SLC6A4: variants seen among roughly 807,000 people sequenced by gnomAD.
SLC6A4 encodes solute carrier family 6 member 4, also known as sodium-dependent serotonin transporter.
SLC6A4 carries 22 observed loss-of-function variants against 73.4 expected under a neutral mutation model. The observed-to-expected ratio is 0.30, with a 90% CI of 0.21 to 0.43. The LOEUF (loss-of-function observed/expected upper bound fraction) is 0.43, where lower values mean the gene tolerates loss of function less well. Ranked by LOEUF, SLC6A4 falls within the 20% of genes least tolerant of loss-of-function variation. The probability of loss-of-function intolerance (pLI) is 1.00; values close to 1 mark genes in which losing one functional copy is unlikely to be tolerated. For missense variants in SLC6A4, 593 were observed against 808.5 expected (o/e 0.73, Z 3.23); for synonymous variants, 270 against 315.5 (o/e 0.86, Z 1.53).
At chr17:30,209,037 A>C (rs897730888) in intron 12 of SLC6A4, 106 bp downstream of exon 12, 9 of 742,610 alleles carry the variant, frequency 1.2e-5, no homozygotes, top group Non-Finnish European at 2.1e-5. Flanking sequence ...GGGAGGTCAC[A>C]TCTTGTAAAC....
intron 14 of SLC6A4, 132 bp from the exon 15 acceptor site, chr17:30,198,662 C>G (rs964098176): frequency 1.8e-6 from 1 of 549,426 alleles, no homozygotes; most frequent in African/African-American, 1.9e-5. Flanking sequence ...GGAATAGTCT[C>G]ACTGACATTC....
At chr17:30,228,585 A>AT (rs1177541418) in intron 1 of SLC6A4, among the ~76,000 whole-genome samples, 1 of 152,134 alleles carries the variant, frequency 6.6e-6, no homozygotes, top group East Asian at 1.9e-4. Flanking sequence ...AATTCAAGAG[A>AT]TCCACGTGGG....
At chr17:30,208,387 T>C (rs555927316) in intron 12 of SLC6A4, among the ~76,000 whole-genome samples, 1 of 152,248 alleles carries the variant, frequency 6.6e-6, no homozygotes, top group East Asian at 1.9e-4. Context: ...AAGGTTCTTC[T>C]ATAAAAAGTA....
intron 11 of SLC6A4, 91 bp from the exon 12 acceptor site, chr17:30,209,333 C>A: frequency 1.2e-6 from 1 of 813,048 alleles, no homozygotes; most frequent in South Asian, 1.5e-5. Flanking sequence ...CACTTAGAAT[C>A]ATTCTGGAAA....
chr17:30,226,872 C>CAAAAAAAAAAAAAAAAAAAAAGA (rs9303630), intron 1 of SLC6A4, among the ~76,000 whole-genome samples: 28 of 112,302 alleles, frequency 2.5e-4, no homozygotes, highest in Non-Finnish European at 4.6e-4. Flanking sequence ...GACTCTGTCT[C>CAAAAAAAAAAAAAAAAAAAAAGA]AAAAAAAAAA....
Position 30,235,555 on chromosome 17 carries a change from G to A in SLC6A4, c.-221+58C>T, listed in dbSNP as rs1461138906. 1 of 152,244 alleles carries A rather than the reference G, an allele frequency of 6.6e-6. No homozygotes were observed. The highest frequency in any genetic ancestry group is 2.4e-5 in the African/African-American group (1 of 41,448). 9.4% of individuals were successfully genotyped at this position (152,244 alleles called of 1,614,324 possible). On this transcript the variant is annotated intron_variant, in intron 1 of 14. Coordinates refer to ENST00000650711, the MANE Select transcript of SLC6A4 (RefSeq NM_001045.6). The surrounding 1 kb of genome is among the most constrained non-coding windows in gnomAD (Gnocchi z 4.5). ...GCGGTTCTATCCCCCTCCCCGAGGC[G>A]GGGAAGAAGGTCTGGAAAGAAACGT... is the stretch of plus-strand genomic sequence containing the variant.
At position 30,196,940 on chromosome 17, in the gene SLC6A4, G is replaced by A. The variant is rs1905882274; in HGVS notation, c.*1516C>T. ...AGGGAGGAAAACCTAGAATTGGACAGGATGTTTCCTCTGCTGTCTGGACCT... is the reference window on the plus strand; with the variant it reads ...AGGGAGGAAAACCTAGAATTGGACAAGATGTTTCCTCTGCTGTCTGGACCT... On this transcript the variant is annotated 3_prime_UTR_variant, in exon 15 of 15. Coordinates refer to ENST00000650711, the MANE Select transcript of SLC6A4 (RefSeq NM_001045.6). 1 of 152,302 alleles carries A rather than the reference G, an allele frequency of 6.6e-6. No individual in the cohort carries two copies. Among genetic ancestry groups the A allele is most frequent in the African/African-American group, 2.4e-5 (1 of 41,412 alleles). 9.4% of individuals were successfully genotyped at this position (152,302 alleles called of 1,614,324 possible). A position where few individuals can be genotyped will look rare whatever the true frequency, so the allele number is the denominator to read the frequency against.
chr17:30,213,054 C>T (rs1354194858), intron 8 of SLC6A4, among the ~76,000 whole-genome samples, 187 bp from the exon 9 acceptor site: 1 of 152,178 alleles, frequency 6.6e-6, no homozygotes, highest in African/African-American at 2.4e-5. Flanking sequence ...CTGCCGAGGC[C>T]TGAAGCTCTG....
Position 30,218,150 on chromosome 17 carries a change from G to A in SLC6A4, c.666C>T (p.Leu222=). The change falls in exon 5 of 15, where the codon CTC becomes CTT. Residue 222 remains leucine (L), a synonymous_variant. Transcript: ENST00000650711. ...ATTCTTCAGCAGGGGACGTGGAATG[G>A]AGGGTCCAGGTGATGTTGTCCTCGG... The part of the protein sequence containing the change: ...YFSEDNITWT[L]HSTSPAEEFY... The A allele has an allele frequency of 1.2e-6, 2 of 1,614,250 alleles. No homozygotes were observed. Among genetic ancestry groups the A allele is most frequent in the Non-Finnish European group, 1.7e-6 (2 of 1,180,032 alleles).
intron 2 of SLC6A4, 52 bp downstream of exon 2, chr17:30,222,766 TC>T (rs1906808742): frequency 7.7e-7 from 1 of 1,297,914 alleles, no homozygotes; most frequent in African/African-American, 1.5e-5. Flanking sequence ...CTTTCTGCGT[TC>T]CCATTATGCA....
intron 1 of SLC6A4, among the ~76,000 whole-genome samples, chr17:30,231,919 A>C (rs930667708): frequency 4.6e-5 from 7 of 152,150 alleles, no homozygotes; most frequent in African/African-American, 1.7e-4. Context: ...AAGAGAGCGA[A>C]AGTAGAAGAG....
intron 8 of SLC6A4, among the ~76,000 whole-genome samples, chr17:30,214,437 A>AAAAAAAG (rs1555588548): frequency 1.3e-5 from 2 of 148,966 alleles, no homozygotes; most frequent in Non-Finnish European, 3.0e-5. Context: ...AAAAAAAAAA[A>AAAAAAAG]AAAAGAAAAG....
In SLC6A4 at chr17:30,230,107, GGAA is replaced by G. The variant is rs1449345007; in HGVS notation, c.-221+5503_-221+5505del. ...AAGAAGAAGAAGAAGAGGAGGAAGA[GGAA>G]GAGGAAGAGGAAGAGGAGGAGGAGG... On this transcript the variant is annotated intron_variant, in intron 1 of 14. Transcript: ENST00000650711. 6.0e-3 allele frequency among the ~76,000 whole-genome samples: 633 copies of G among 106,162 alleles called. 12 individuals carry two copies. The highest frequency in any genetic ancestry group is 0.022 in the African/African-American group (586 of 26,198). 69.6% of individuals were successfully genotyped at this position (106,162 alleles called of 152,430 possible). A position where few individuals can be genotyped will look rare whatever the true frequency, so the allele number is the denominator to read the frequency against.
intron 3 of SLC6A4, among the ~76,000 whole-genome samples, chr17:30,220,873 A>T (rs576912865): frequency 1.3e-5 from 2 of 151,474 alleles, no homozygotes; most frequent in Admixed American, 6.6e-5. Flanking sequence ...ATGATGCTGG[A>T]GATCTGTGAG....
At chr17:30,216,056 T>C in intron 7 of SLC6A4, 26 bp downstream of exon 7, 1 of 1,605,228 alleles carries the variant, frequency 6.2e-7, no homozygotes, top group Non-Finnish European at 8.5e-7. Flanking sequence ...GACAGACAGG[T>C]ACACATATTT....
rs561625027 is a variant in SLC6A4, at chr17:30,207,502, C to T, written c.1650+230G>A. Among the ~76,000 whole-genome samples, 26 of 152,258 alleles carry T rather than the reference C, an allele frequency of 1.7e-4. No homozygotes were observed. The East Asian group carries it at 4.6e-3, about 27-fold the overall frequency. On this transcript the variant is annotated intron_variant, in intron 13 of 14. Coordinates refer to ENST00000650711, the MANE Select transcript of SLC6A4 (RefSeq NM_001045.6). ...TCCTGGGTTCAAGCCATTCTCCTGC[C>T]TCAGCTTCCTGAGTAGCTGGGATTA...
intron 7 of SLC6A4, 110 bp from the exon 8 acceptor site, chr17:30,215,824 A>G (rs777743876): frequency 1.1e-6 from 1 of 951,552 alleles, no homozygotes; most frequent in Non-Finnish European, 1.7e-6. Flanking sequence ...AGAGGCAGAA[A>G]AACAGCTTTT....
chr17:30,199,564 G>A (rs1469712957), intron 14 of SLC6A4, among the ~76,000 whole-genome samples: 1 of 152,046 alleles, frequency 6.6e-6, no homozygotes, highest in African/African-American at 2.4e-5. Context: ...TTAAGAAATA[G>A]GGCCTCTATA....
chr17:30,204,615 A>C (rs1335072539), intron 13 of SLC6A4: 1 of 152,194 alleles, frequency 6.6e-6, no homozygotes, highest in African/African-American at 2.4e-5. Flanking sequence ...CCCCTCACAC[A>C]TCCTGGCCTC....
Sources: gnomAD v4.1 joint callset for allele counts (sites outside exome capture counted in the v4.1 genomes callset) on GRCh38, gnomAD v4.1.1 for gene constraint, Gnocchi (gnomAD v3.1) non-coding constraint, MANE v1.5 for transcripts, NCBI Gene and HGNC (gene_info 2026-07-23, HGNC 2026-07-21) for gene names.